TACC2: variants seen among roughly 807,000 people sequenced by gnomAD.
TACC2 encodes transforming acidic coiled-coil containing protein 2.
In TACC2, 137 loss-of-function variants were observed where a neutral mutation model predicts 227.3. The ratio of observed to expected loss-of-function variants is 0.60; its 90% CI spans 0.52 to 0.69. The LOEUF (loss-of-function observed/expected upper bound fraction) is 0.69, where lower values mean the gene tolerates loss of function less well. Ranked by LOEUF, TACC2 falls within the 30% of genes least tolerant of loss-of-function variation. The pLI is 0.00. For missense variants in TACC2, 3,470 were observed against 3,694.4 expected (o/e 0.94, Z 1.57); for synonymous variants, 1,523 against 1,487.5 (o/e 1.02, Z -0.55).
At chr10:122,178,657 G>A (rs1453778718) in intron 7 of TACC2, among the ~76,000 whole-genome samples, 1 of 152,206 alleles carries the variant, frequency 6.6e-6, no homozygotes, top group Non-Finnish European at 1.5e-5. Flanking sequence ...GCCAAGGCAG[G>A]TGGATCACTT....
At chr10:122,236,849 G>A (rs1020377311) in intron 16 of TACC2, among the ~76,000 whole-genome samples, 2 of 152,220 alleles carry the variant, frequency 1.3e-5, no homozygotes, top group African/African-American at 4.8e-5. Flanking sequence ...AGCCAAAGGT[G>A]ATATTGGTTG....
chr10:122,149,647 A>G (rs1161395179), intron 7 of TACC2, among the ~76,000 whole-genome samples: 1 of 152,178 alleles, frequency 6.6e-6, no homozygotes, highest in African/African-American at 2.4e-5. Flanking sequence ...AGCCCTTTGG[A>G]AAACATGATG....
chr10:122,086,378 C>G lies in TACC2; in HGVS notation c.3878C>G (p.Pro1293Arg). Residue 1293 changes from proline (P) to arginine (R), a missense_variant, in exon 4 of 23, where the codon CCC becomes CGC. This residue lies in a region of TACC2 where 1,924 missense variants were observed against 1,978.3 expected (regional missense o/e 0.97). Coordinates refer to ENST00000369005, the MANE Select transcript of TACC2 (RefSeq NM_206862.4). ...SLKLFAGSLA[P>R]LLQPGAAGGE... ...AAGCTGTTTGCTGGCTCCCTCGCCC[C>G]CCTGTTGCAACCAGGAGCTGCAGGT... 1.2e-6 allele frequency: 2 copies of G among 1,613,652 alleles called. No individual in the cohort carries two copies. Among genetic ancestry groups the G allele is most frequent in the South Asian group, 1.1e-5 (1 of 91,082 alleles).
Position 122,082,701 on chromosome 10 carries a change from C to A in TACC2, c.201C>A (p.Ser67Arg), listed in dbSNP as rs1450701880. ...GFCTASESSASLDPCLVSPEV... is the reference protein window; with the variant it reads ...GFCTASESSARLDPCLVSPEV... ...GCACCGCTTCTGAGAGTTCTGCCAG[C>A]CTGGATCCATGCCTTGTGTCCCCAG... The change falls in exon 4 of 23, where the codon AGC becomes AGA. Residue 67 changes from serine (S) to arginine (R), a missense_variant. Ser to Arg is a moderately radical substitution (Grantham distance 110). Coordinates refer to ENST00000369005, the MANE Select transcript of TACC2 (RefSeq NM_206862.4). 1.2e-6 allele frequency: 2 copies of A among 1,614,042 alleles called. No individual in the cohort carries two copies. Among genetic ancestry groups the A allele is most frequent in the South Asian group, 1.1e-5 (1 of 91,060 alleles).
intron 5 of TACC2, among the ~76,000 whole-genome samples, chr10:122,117,925 C>A (rs2085005280): frequency 6.6e-6 from 1 of 152,174 alleles, no homozygotes; most frequent in African/African-American, 2.4e-5. Context: ...CTCCCTCCAT[C>A]CCTTGGGCTT....
intron 6 of TACC2, 136 bp from the exon 7 acceptor site, chr10:122,143,436 G>T: frequency 1.1e-6 from 1 of 944,856 alleles, no homozygotes; most frequent in Non-Finnish European, 1.5e-6. Flanking sequence ...TGGGGAAGCC[G>T]GGGAGCCAAG....
At chr10:122,218,295 A>T (rs1352531621) in intron 11 of TACC2, among the ~76,000 whole-genome samples, 1 of 152,214 alleles carries the variant, frequency 6.6e-6, no homozygotes, top group Non-Finnish European at 1.5e-5. Flanking sequence ...AGAAGATCAC[A>T]TGTGAAGGTC....
At chr10:122,248,469 T>C in intron 19 of TACC2, 174 bp from the exon 20 acceptor site, 1 of 717,064 alleles carries the variant, frequency 1.4e-6, no homozygotes, top group Non-Finnish European at 2.3e-6. Flanking sequence ...TGGTTTTTGT[T>C]CTGTTAGAGA....
At chr10:122,137,410 G>T (rs2089878652) in intron 6 of TACC2, among the ~76,000 whole-genome samples, 1 of 152,070 alleles carries the variant, frequency 6.6e-6, no homozygotes, top group Non-Finnish European at 1.5e-5. Context: ...TTGAGCCCAG[G>T]AGATGGAGGT....
chr10:122,111,128 G>A (rs543558600), intron 5 of TACC2, among the ~76,000 whole-genome samples: 23 of 152,288 alleles, frequency 1.5e-4, no homozygotes, highest in African/African-American at 5.3e-4. Context: ...GGTCCACCTG[G>A]ATACTCCAGG....
intron 1 of TACC2, among the ~76,000 whole-genome samples, chr10:122,007,158 G>A (rs1428890258): frequency 5.3e-5 from 8 of 151,882 alleles, no homozygotes; most frequent in African/African-American, 1.5e-4. Flanking sequence ...CACCATGCCC[G>A]GCCACTTTCC....
intron 3 of TACC2, among the ~76,000 whole-genome samples, chr10:122,068,853 GT>G (rs1296607954): frequency 9.0e-5 from 12 of 133,524 alleles, no homozygotes; most frequent in African/African-American, 2.5e-4. Flanking sequence ...TGACCTAGAA[GT>G]TTTTTTTTTT....
intron 5 of TACC2, among the ~76,000 whole-genome samples, chr10:122,090,590 C>T (rs114346457): frequency 0.057 from 8,218 of 144,052 alleles, 250 homozygotes; most frequent in South Asian, 0.12. Context: ...GAAAAGTAGA[C>T]AGAGAAAAAT....
chr10:122,133,798 A>G (rs971964660), intron 6 of TACC2, among the ~76,000 whole-genome samples: 1 of 152,152 alleles, frequency 6.6e-6, no homozygotes, highest in Non-Finnish European at 1.5e-5. Flanking sequence ...AATGACCCGT[A>G]TCTAATTCCG....
chr10:122,201,789 A>C (rs978802078), intron 8 of TACC2, among the ~76,000 whole-genome samples: 46 of 152,274 alleles, frequency 3.0e-4, no homozygotes, highest in Non-Finnish European at 6.5e-4. Context: ...GTTACAGATG[A>C]CATTTGATAA....
Position 122,094,498 on chromosome 10 carries a change from C to T in TACC2, c.5573+5907C>T, listed in dbSNP as rs76389924. Among the ~76,000 whole-genome samples, 969 of 152,270 alleles carry T rather than the reference C, an allele frequency of 6.4e-3. 2 individuals carry two copies. The highest frequency in any genetic ancestry group is 8.5e-3 in the Non-Finnish European group (575 of 68,028). The stretch of plus-strand genomic sequence containing the variant: ...CTCACTATGTTGTCCAGGCTGGTCT[C>T]GAACTCCCAGCCTCAAACAATCCTC... On this transcript the variant is annotated intron_variant, in intron 5 of 22. Coordinates refer to ENST00000369005, the MANE Select transcript of TACC2 (RefSeq NM_206862.4).
intron 2 of TACC2, among the ~76,000 whole-genome samples, chr10:122,045,725 A>G (rs1343340606): frequency 6.6e-6 from 1 of 152,246 alleles, no homozygotes; most frequent in Non-Finnish European, 1.5e-5. Flanking sequence ...TGCCTGGTAT[A>G]GCTCACGGGG....
At chr10:122,028,482 T>C (rs1488718107) in intron 2 of TACC2, among the ~76,000 whole-genome samples, 1 of 152,206 alleles carries the variant, frequency 6.6e-6, no homozygotes, top group Non-Finnish European at 1.5e-5. Flanking sequence ...ATGTTTTCTT[T>C]GGAGTGACCG....
chr10:122,213,283 T>G, intron 9 of TACC2: 1 of 1,558,666 alleles, frequency 6.4e-7, no homozygotes, highest in Non-Finnish European at 8.8e-7. Flanking sequence ...GTCTGCAGAT[T>G]TATCTTTTTT....
Sources: gnomAD v4.1 joint callset for allele counts (sites outside exome capture counted in the v4.1 genomes callset) on GRCh38, gnomAD v4.1.1 for gene constraint, gnomAD v4.1.1 regional missense constraint, MANE v1.5 for transcripts, NCBI Gene and HGNC (gene_info 2026-07-23, HGNC 2026-07-21) for gene names.